UCK2: variants seen among roughly 807,000 people sequenced by gnomAD.
UCK2 encodes uridine-cytidine kinase 2.
In UCK2, 6 loss-of-function variants were observed where a neutral mutation model predicts 30.8. That is an observed-to-expected ratio of 0.19 (90% CI 0.11 to 0.38). The LOEUF (loss-of-function observed/expected upper bound fraction) is 0.38, where lower values mean the gene tolerates loss of function less well. UCK2 is among the 10% of genes least tolerant of loss of function. The probability of loss-of-function intolerance (pLI) is 1.00; values close to 1 mark genes in which losing one functional copy is unlikely to be tolerated. For synonymous variants in UCK2, 125 were observed against 133.6 expected, an observed-to-expected ratio of 0.94 and a Z score of 0.45; for missense variants, 210 against 339.8, an observed-to-expected ratio of 0.62 and a Z score of 3.00.
chr1:165,869,550 AC>A (rs1459549806), intron 1 of UCK2, among the ~76,000 whole-genome samples: 1 of 151,940 alleles, frequency 6.6e-6, no homozygotes, highest in Non-Finnish European at 1.5e-5. Flanking sequence ...CCAGCAGTGC[AC>A]AAGAATTCCT....
At chr1:165,851,156 C>T (rs1654587144) in intron 1 of UCK2, among the ~76,000 whole-genome samples, 1 of 152,112 alleles carries the variant, frequency 6.6e-6, no homozygotes, top group Non-Finnish European at 1.5e-5. Context: ...TCTGTCTTGT[C>T]TTTAGAGTTG....
chr1:165,840,370 T>G (rs1329256436), intron 1 of UCK2, among the ~76,000 whole-genome samples: 1 of 152,258 alleles, frequency 6.6e-6, no homozygotes, highest in Non-Finnish European at 1.5e-5. Flanking sequence ...TTACCTCACT[T>G]AGTCATTTTT....
chr1:165,907,870 G>T lies in UCK2; in HGVS notation c.*47G>T, dbSNP rs1439262970. 6.2e-7 allele frequency: 1 copy of T among 1,605,248 alleles called. No individual in the cohort carries two copies. The highest frequency in any genetic ancestry group is 8.5e-7 in the Non-Finnish European group (1 of 1,174,998). On this transcript the variant is annotated 3_prime_UTR_variant, in exon 7 of 7. Coordinates refer to ENST00000367879, the MANE Select transcript of UCK2 (RefSeq NM_012474.5). ...CCCCTATCTCCAAGAGACAGAGGAG[G>T]GGTCAGGAGGCACTGCTCATCTGTA...
At chr1:165,868,747 A>G (rs1191400093) in intron 1 of UCK2, among the ~76,000 whole-genome samples, 1 of 152,160 alleles carries the variant, frequency 6.6e-6, no homozygotes. Flanking sequence ...CTTTCTTCGT[A>G]TCAGTAATAA....
At chr1:165,853,553 A>G (rs530229316) in intron 1 of UCK2, among the ~76,000 whole-genome samples, 18 of 151,630 alleles carry the variant, frequency 1.2e-4, no homozygotes, top group Non-Finnish European at 2.2e-4. Flanking sequence ...ATCTTTATCC[A>G]GAAAGGAATT....
chr1:165,908,066 C>A lies in UCK2; in HGVS notation c.*243C>A. ...CTACTGGTGATGCCTAATTATGAAT[C>A]CAACGTGTAACCAGTTATAAATACA... On this transcript the variant is annotated 3_prime_UTR_variant, in exon 7 of 7. Transcript: ENST00000367879. 2 of 452,972 alleles carry A rather than the reference C, an allele frequency of 4.4e-6. No homozygotes were observed. Among genetic ancestry groups the A allele is most frequent in the Non-Finnish European group, 7.8e-6 (2 of 257,848 alleles). The allele number at this position is 452,972 out of a possible 1,614,324, so 28.1% of individuals were successfully genotyped here.
chr1:165,857,317 A>C (rs567156978), intron 1 of UCK2, among the ~76,000 whole-genome samples: 4 of 152,318 alleles, frequency 2.6e-5, no homozygotes, highest in Admixed American at 2.0e-4. Context: ...ACCATCTGAT[A>C]CATTAATTTA....
intron 1 of UCK2, among the ~76,000 whole-genome samples, chr1:165,842,422 ACCTG>A (rs1316322870): frequency 2.0e-5 from 3 of 152,138 alleles, no homozygotes; most frequent in African/African-American, 4.8e-5. Context: ...CCCTAACAAT[ACCTG>A]CCTCCTGTTC....
chr1:165,829,043 G>T (rs1405447974), intron 1 of UCK2, among the ~76,000 whole-genome samples: 1 of 152,084 alleles, frequency 6.6e-6, no homozygotes, highest in Non-Finnish European at 1.5e-5. Context: ...TTTAGCTCCC[G>T]AACCGACTCG....
rs188708759 is a variant in UCK2 at position 165,828,842 on chromosome 1, C to T, written c.99+910C>T. ...GGTTCTTTCTTTGCTCCCCTAACAG[C>T]CTTTAAGATGTGGCTACTTGTTTTT... On this transcript the variant is annotated intron_variant, in intron 1 of 6. Coordinates refer to ENST00000367879, the MANE Select transcript of UCK2 (RefSeq NM_012474.5). Among the ~76,000 whole-genome samples, 855 of 152,268 alleles carry T rather than the reference C, an allele frequency of 5.6e-3. 10 individuals are homozygous for T. The highest frequency in any genetic ancestry group is 0.02 in the African/African-American group (823 of 41,536).
At chr1:165,859,363 G>C (rs554860373) in intron 1 of UCK2, among the ~76,000 whole-genome samples, 1 of 152,142 alleles carries the variant, frequency 6.6e-6, no homozygotes, top group Non-Finnish European at 1.5e-5. Context: ...GAGACTCGCT[G>C]CTGGTCCTCC....
intron 1 of UCK2, among the ~76,000 whole-genome samples, chr1:165,881,609 A>G (rs141463198): frequency 6.6e-6 from 1 of 152,356 alleles, no homozygotes; most frequent in Non-Finnish European, 1.5e-5. Context: ...AAATAGGGGT[A>G]ATAAGAATAC....
chr1:165,896,238 A>G lies in UCK2; in HGVS notation c.405A>G (p.Glu135=). The G allele has an allele frequency of 6.2e-7, 1 of 1,614,210 alleles. No individual in the cohort carries two copies. The change falls in exon 4 of 7, where the codon GAA becomes GAG. Residue 135 remains glutamate (E), a synonymous_variant. Transcript: ENST00000367879. ...TVYPADVVLF[E]GILAFYSQEV... is the part of the protein sequence containing the mutation. The stretch of plus-strand genomic sequence containing the variant: ...ATCCCGCAGACGTGGTGCTCTTTGA[A>G]GGGATCCTGGCCTTCTACTCCCAGG...
intron 1 of UCK2, among the ~76,000 whole-genome samples, chr1:165,849,810 GT>G (rs1156888692): frequency 6.6e-6 from 1 of 152,104 alleles, no homozygotes; most frequent in Non-Finnish European, 1.5e-5. Flanking sequence ...GTAGCAGAGG[GT>G]TTTCTTGCTC....
chr1:165,864,071 C>A (rs1654985889), intron 1 of UCK2, among the ~76,000 whole-genome samples: 1 of 131,140 alleles, frequency 7.6e-6, no homozygotes, highest in South Asian at 2.3e-4. Flanking sequence ...CCTCAGCTTT[C>A]CAAGTAGCTG....
chr1:165,877,945 G>C (rs1282007706), intron 1 of UCK2, among the ~76,000 whole-genome samples: 2 of 152,078 alleles, frequency 1.3e-5, no homozygotes, highest in African/African-American at 4.8e-5. Flanking sequence ...CCATCAGAGA[G>C]GTACGTTGGT....
intron 3 of UCK2, chr1:165,895,777 T>C: frequency 2.0e-6 from 1 of 487,828 alleles, no homozygotes; most frequent in South Asian, 8.8e-5. Flanking sequence ...TGTGAGTTTC[T>C]GTTTTTAAAG....
chr1:165,878,559 T>C (rs1227485007), intron 1 of UCK2, among the ~76,000 whole-genome samples: 1 of 151,976 alleles, frequency 6.6e-6, no homozygotes, highest in Admixed American at 6.6e-5. Context: ...TTGGCCAGAG[T>C]GGTCTTGATC....
chr1:165,873,025 G>GT (rs1426046850), intron 1 of UCK2, among the ~76,000 whole-genome samples: 1 of 152,174 alleles, frequency 6.6e-6, no homozygotes, highest in Non-Finnish European at 1.5e-5. Flanking sequence ...ATCAAGTGGA[G>GT]TAAGATATTT....
Sources: allele counts gnomAD v4.1 joint callset (sites outside exome capture counted in the v4.1 genomes callset), GRCh38; gene constraint gnomAD v4.1.1; transcripts MANE v1.5; gene names NCBI Gene and HGNC (gene_info 2026-07-23, HGNC 2026-07-21).